FIG4: variants seen among roughly 807,000 people sequenced by gnomAD.
The protein encoded by FIG4 is FIG4 phosphoinositide 5-phosphatase, also known as polyphosphoinositide phosphatase.
FIG4 carries 112 observed loss-of-function variants against 118.6 expected under a neutral mutation model. The observed-to-expected ratio is 0.94, with a 90% CI of 0.81 to 1.11. FIG4 has a LOEUF of 1.11. FIG4 is among the 50% of genes least tolerant of loss of function. The pLI is 0.00. For missense variants in FIG4, 969 were observed against 1,111.7 expected (o/e 0.87, Z 1.83); for synonymous variants, 369 against 381.2 (o/e 0.97, Z 0.37).
intron 10 of FIG4, among the ~76,000 whole-genome samples, chr6:109,756,568 G>T (rs547642819): frequency 6.6e-6 from 1 of 152,240 alleles, no homozygotes; most frequent in South Asian, 2.1e-4. Context: ...TCACTTTCAG[G>T]TACACCAATC....
intron 10 of FIG4, among the ~76,000 whole-genome samples, chr6:109,749,089 G>A (rs1776606024): frequency 6.7e-6 from 1 of 150,008 alleles, no homozygotes; most frequent in South Asian, 2.1e-4. Flanking sequence ...GTGTGTGTGT[G>A]TGTGTGTGTG....
chr6:109,821,558 G>A (rs775742468), intron 22 of FIG4, among the ~76,000 whole-genome samples: 2 of 152,152 alleles, frequency 1.3e-5, no homozygotes, highest in Non-Finnish European at 2.9e-5. Flanking sequence ...CATTAAAAAG[G>A]ACTGAAGATG....
Position 109,742,226 on chromosome 6 carries a change from C to G in FIG4, c.876+682C>G, listed in dbSNP as rs537943293. 4.7e-4 allele frequency among the ~76,000 whole-genome samples: 72 copies of G among 152,004 alleles called. 1 individual carries two copies. The highest frequency in any genetic ancestry group is 7.2e-4 in the Admixed American group (11 of 15,222). ...CTCCACCCAAGTAGAAGGCAGCACT[C>G]ATCACGGGAAGTCAATTCTTGATAA... On this transcript the variant is annotated intron_variant, in intron 8 of 22. Transcript: ENST00000230124.
chr6:109,755,832 C>T (rs1049988006), intron 10 of FIG4, among the ~76,000 whole-genome samples: 1 of 152,178 alleles, frequency 6.6e-6, no homozygotes, highest in African/African-American at 2.4e-5. Flanking sequence ...ATGTGTGTCT[C>T]TGCACATGAG....
intron 16 of FIG4, among the ~76,000 whole-genome samples, chr6:109,780,017 A>T (rs1325450391): frequency 2.0e-5 from 3 of 152,194 alleles, no homozygotes; most frequent in Admixed American, 2.0e-4. Flanking sequence ...CCCTGTACTG[A>T]AGTAGCCAGG....
At chr6:109,772,553 T>C (rs1777499544) in intron 15 of FIG4, among the ~76,000 whole-genome samples, 1 of 152,098 alleles carries the variant, frequency 6.6e-6, no homozygotes, top group African/African-American at 2.4e-5. Context: ...GCTTCCTGGG[T>C]TCAAGAGACT....
At chr6:109,822,773 G>A (rs1289154186) in intron 22 of FIG4, among the ~76,000 whole-genome samples, 45 of 63,750 alleles carry the variant, frequency 7.1e-4, no homozygotes, top group African/African-American at 2.5e-3. Context: ...GTATATATAT[G>A]TGTGTGTGTG....
At chr6:109,695,043 T>C (rs1583619058) in intron 1 of FIG4, among the ~76,000 whole-genome samples, 1 of 152,168 alleles carries the variant, frequency 6.6e-6, no homozygotes, top group Non-Finnish European at 1.5e-5. Context: ...CTCAAAAAAC[T>C]AAAAATCCGG....
At chr6:109,802,279 C>G (rs1778446947) in intron 22 of FIG4, among the ~76,000 whole-genome samples, 1 of 152,124 alleles carries the variant, frequency 6.6e-6, no homozygotes, top group Non-Finnish European at 1.5e-5. Flanking sequence ...CTTCTTTCCC[C>G]CTCACTGTCC....
At chr6:109,812,588 G>A (rs1441744277) in intron 22 of FIG4, among the ~76,000 whole-genome samples, 1 of 152,154 alleles carries the variant, frequency 6.6e-6, no homozygotes, top group East Asian at 1.9e-4. Context: ...AGGAAAATGG[G>A]CAGCAGTGTT....
rs1184723463 is a variant in FIG4 at position 109,743,736 on chromosome 6, G to A, written c.1101G>A (p.Arg367=). The part of the protein sequence containing the change: ...AALHFDQMFQ[R]FGSPIIILNL... ...TTCACTTTGACCAGATGTTCCAGAG[G>A]TTTGGCTCTCCCATCATCATCTTGA... The change falls in exon 10 of 23, where the codon AGG becomes AGA. Residue 367 remains arginine (R), a synonymous_variant. Coordinates refer to ENST00000230124, the MANE Select transcript of FIG4 (RefSeq NM_014845.6). 1 of 1,612,886 alleles carries A rather than the reference G, an allele frequency of 6.2e-7. No homozygotes were observed. Among genetic ancestry groups the A allele is most frequent in the Non-Finnish European group, 8.5e-7 (1 of 1,179,236 alleles).
chr6:109,786,253 G>C, intron 17 of FIG4, 49 bp from the exon 18 acceptor site: 1 of 1,522,036 alleles, frequency 6.6e-7, no homozygotes, highest in Non-Finnish European at 9.1e-7. Flanking sequence ...GGAAATGTTT[G>C]CTTGCTATAA....
chr6:109,792,236 A>G lies in FIG4; in HGVS notation c.2377-346A>G, dbSNP rs1446255430. 4.6e-5 allele frequency among the ~76,000 whole-genome samples: 7 copies of G among 152,336 alleles called. No individual in the cohort carries two copies. The South Asian group carries it at 6.2e-4, about 14-fold the overall frequency. ...CATTGTATGTGACTACGTTTGCACT[A>G]TAACAGCAGAGCTGAGTATTTGCAA... On this transcript the variant is annotated intron_variant, in intron 20 of 22. Coordinates refer to ENST00000230124, the MANE Select transcript of FIG4 (RefSeq NM_014845.6).
intron 22 of FIG4, among the ~76,000 whole-genome samples, chr6:109,802,546 T>C (rs1778452894): frequency 6.6e-6 from 1 of 152,256 alleles, no homozygotes; most frequent in Admixed American, 6.5e-5. Context: ...TTAGCATGTG[T>C]GTACCAGTTT....
chr6:109,735,653 A>T (rs1032870152), intron 6 of FIG4, among the ~76,000 whole-genome samples: 38 of 152,168 alleles, frequency 2.5e-4, no homozygotes, highest in African/African-American at 9.2e-4. Context: ...TTTCCTTCAC[A>T]GAGACCAGTT....
At chr6:109,759,348 A>G (rs919712431) in intron 10 of FIG4, among the ~76,000 whole-genome samples, 4 of 152,144 alleles carry the variant, frequency 2.6e-5, no homozygotes, top group African/African-American at 9.7e-5. Context: ...GGAAACCACC[A>G]TGGCATGTGT....
chr6:109,800,894 A>G (rs1051460778), intron 22 of FIG4, among the ~76,000 whole-genome samples: 1 of 152,170 alleles, frequency 6.6e-6, no homozygotes, highest in African/African-American at 2.4e-5. Context: ...GTCTGCCTCT[A>G]CTGCACCTGT....
intron 3 of FIG4, among the ~76,000 whole-genome samples, chr6:109,718,136 CTTAA>C (rs1400677290): frequency 6.6e-6 from 1 of 152,050 alleles, no homozygotes; most frequent in Non-Finnish European, 1.5e-5. Context: ...ATGACTGGAG[CTTAA>C]TTAAGGAATG....
intron 1 of FIG4, among the ~76,000 whole-genome samples, chr6:109,709,697 A>G (rs762463062): frequency 2.0e-5 from 3 of 152,002 alleles, no homozygotes; most frequent in Non-Finnish European, 2.9e-5. Flanking sequence ...CTGTATTCCT[A>G]GGTGTTTTAT....
Sources: allele counts gnomAD v4.1 joint callset (sites outside exome capture counted in the v4.1 genomes callset), GRCh38; gene constraint gnomAD v4.1.1; transcripts MANE v1.5; gene names NCBI Gene and HGNC (gene_info 2026-07-23, HGNC 2026-07-21).